Variants in FAM135A observed in about 807,000 individuals in gnomAD.
FAM135A encodes the protein protein FAM135A.
In FAM135A, 79 loss-of-function variants were observed where a neutral mutation model predicts 146.8. That is an observed-to-expected ratio of 0.54 (90% CI 0.45 to 0.65). The LOEUF is 0.65. FAM135A is among the 30% of genes least tolerant of loss of function. The pLI is 0.00. For synonymous variants in FAM135A, 562 were observed against 603.6 expected, an observed-to-expected ratio of 0.93 and a Z score of 1.01; for missense variants, 1,623 against 1,758.2, an observed-to-expected ratio of 0.92 and a Z score of 1.38.
In FAM135A at chr6:70,532,242, T is replaced by C. The variant is rs189355498; in HGVS notation, c.3776-918T>C. Among the ~76,000 whole-genome samples, 629 of 152,298 alleles carry C rather than the reference T, an allele frequency of 4.1e-3. 9 individuals carry two copies. Among genetic ancestry groups the C allele is most frequent in the African/African-American group, 0.015 (608 of 41,550 alleles). On this transcript the variant is annotated intron_variant, in intron 16 of 21. Transcript: ENST00000418814. The stretch of plus-strand genomic sequence containing the variant: ...TCTGTTCAAACATGTTATAACAAAT[T>C]AGTATGTGTTTATTTTGGTGTAAAA...
At chr6:70,477,803 A>C (rs966294300) in intron 8 of FAM135A, among the ~76,000 whole-genome samples, 1 of 152,192 alleles carries the variant, frequency 6.6e-6, no homozygotes, top group South Asian at 2.1e-4. Flanking sequence ...TTTGCTAAAG[A>C]TAACTGAAAT....
At chr6:70,486,968 GAA>G (rs1784788636) in intron 10 of FAM135A, among the ~76,000 whole-genome samples, 1 of 150,424 alleles carries the variant, frequency 6.6e-6, no homozygotes, top group Non-Finnish European at 1.5e-5. Context: ...CAGAAATAGA[GAA>G]GAGATGGGAG....
At chr6:70,473,223 G>C (rs914121756) in intron 5 of FAM135A, among the ~76,000 whole-genome samples, 3 of 151,960 alleles carry the variant, frequency 2.0e-5, no homozygotes, top group Non-Finnish European at 2.9e-5. Context: ...TTACTTTCTG[G>C]TATAAAAAAG....
At chr6:70,455,888 T>G (rs2128064396) in intron 5 of FAM135A, among the ~76,000 whole-genome samples, 1 of 152,266 alleles carries the variant, frequency 6.6e-6, no homozygotes, top group South Asian at 2.1e-4. Flanking sequence ...AGTCTTGCCC[T>G]ATCGCCAGGC....
intron 11 of FAM135A, among the ~76,000 whole-genome samples, chr6:70,494,879 GTATA>G (rs1582536657): frequency 6.6e-6 from 1 of 152,206 alleles, no homozygotes; most frequent in East Asian, 1.9e-4. Flanking sequence ...TTCTACTTTT[GTATA>G]GACTATGCTA....
chr6:70,429,000 A>G (rs1042164250), intron 4 of FAM135A, among the ~76,000 whole-genome samples: 4 of 152,180 alleles, frequency 2.6e-5, no homozygotes, highest in African/African-American at 9.6e-5. Flanking sequence ...GGCTAAGATC[A>G]ATAAGTATGT....
At chr6:70,479,449 G>T (rs568372054) in intron 8 of FAM135A, among the ~76,000 whole-genome samples, 1 of 152,294 alleles carries the variant, frequency 6.6e-6, no homozygotes, top group South Asian at 2.1e-4. Flanking sequence ...TGAGGTTGCT[G>T]TTCTTTATCT....
In FAM135A at chr6:70,502,721, A is replaced by G. The variant is rs1209771027; in HGVS notation, c.959A>G (p.Gln320Arg). ...TCACTTTTGATGGCTTTATGGGGAC[A>G]GTTTCTGGAAGTTATAACGCTACAC... ...LCSLLMALWG[Q>R]FLEVITLHEE... Residue 320 changes from glutamine to arginine, a missense_variant, in exon 12 of 22, where the codon CAG becomes CGG. Gln to Arg is a conservative substitution (Grantham distance 43). This residue lies in a region of FAM135A where 206 missense variants were observed against 194.7 expected (regional missense o/e 1.06). Transcript: ENST00000418814. 9 of 1,613,386 alleles carry G rather than the reference A, an allele frequency of 5.6e-6. No homozygotes were observed. The highest frequency in any genetic ancestry group is 7.6e-6 in the Non-Finnish European group (9 of 1,179,584).
intron 11 of FAM135A, among the ~76,000 whole-genome samples, chr6:70,501,369 G>A (rs543492560): frequency 6.6e-5 from 10 of 152,304 alleles, no homozygotes; most frequent in Non-Finnish European, 1.0e-4. Flanking sequence ...TTCCCCAGTC[G>A]GCTTCAGACT....
chr6:70,508,645 G>A (rs1318423855), intron 12 of FAM135A, among the ~76,000 whole-genome samples: 1 of 152,132 alleles, frequency 6.6e-6, no homozygotes, highest in African/African-American at 2.4e-5. Context: ...AGTAACAGTT[G>A]AGTTCACATT....
intron 20 of FAM135A, among the ~76,000 whole-genome samples, chr6:70,539,065 C>G (rs942536342): frequency 6.6e-6 from 1 of 151,862 alleles, no homozygotes; most frequent in African/African-American, 2.4e-5. Flanking sequence ...TATAAATAAC[C>G]TTACTTCTGA....
At chr6:70,469,179 C>G (rs867727280) in intron 5 of FAM135A, among the ~76,000 whole-genome samples, 3 of 152,132 alleles carry the variant, frequency 2.0e-5, no homozygotes, top group African/African-American at 7.2e-5. Flanking sequence ...AGATTTTTAT[C>G]TCTTTCATTT....
chr6:70,439,980 A>G (rs1325062880), intron 4 of FAM135A, among the ~76,000 whole-genome samples: 1 of 152,210 alleles, frequency 6.6e-6, no homozygotes, highest in Non-Finnish European at 1.5e-5. Flanking sequence ...ACTTAAATAA[A>G]TGTTTAAAAT....
chr6:70,413,768 C>T lies in FAM135A; in HGVS notation c.-220+66C>T, dbSNP rs1349412496. The stretch of plus-strand genomic sequence containing the variant: ...ACACCCACGACCCCTCCCTCCGTCC[C>T]TCTTGCCCAGGGGCCAGGAAGGAAG... On this transcript the variant is annotated intron_variant, in intron 1 of 21. Transcript: ENST00000418814. 1.9e-5 allele frequency: 19 copies of T among 980,962 alleles called. No individual in the cohort carries two copies. In the South Asian group the frequency reaches 2.4e-4, roughly 12 times the overall value. 60.8% of individuals were successfully genotyped at this position (980,962 alleles called of 1,614,324 possible).
chr6:70,414,310 C>A (rs542072865), intron 1 of FAM135A, among the ~76,000 whole-genome samples: 1 of 152,214 alleles, frequency 6.6e-6, no homozygotes, highest in South Asian at 2.1e-4. Context: ...TGTTAGTTGC[C>A]GATTGTGTTT....
At chr6:70,459,117 A>AT (rs1188806194) in intron 5 of FAM135A, among the ~76,000 whole-genome samples, 1 of 151,916 alleles carries the variant, frequency 6.6e-6, no homozygotes, top group Non-Finnish European at 1.5e-5. Context: ...TTAAAAATTC[A>AT]TTTTTTCTTT....
At chr6:70,532,670 C>T (rs749631184) in intron 16 of FAM135A, among the ~76,000 whole-genome samples, 2 of 152,176 alleles carry the variant, frequency 1.3e-5, no homozygotes, top group Non-Finnish European at 2.9e-5. Context: ...CGGTGGCTCA[C>T]GCCTATAATC....
chr6:70,429,498 G>A (rs1420944846), intron 4 of FAM135A, among the ~76,000 whole-genome samples: 1 of 151,592 alleles, frequency 6.6e-6, no homozygotes, highest in East Asian at 1.9e-4. Context: ...GGGCAACAGA[G>A]CAAGACTCCA....
At chr6:70,460,145 G>A (rs1266938960) in intron 5 of FAM135A, among the ~76,000 whole-genome samples, 2 of 152,114 alleles carry the variant, frequency 1.3e-5, no homozygotes, top group African/African-American at 4.8e-5. Flanking sequence ...ACCTCCATAG[G>A]GACATTGTCA....
Sources: allele counts gnomAD v4.1 joint callset (sites outside exome capture counted in the v4.1 genomes callset), GRCh38; gene constraint gnomAD v4.1.1; regional missense constraint gnomAD v4.1.1; transcripts MANE v1.5; gene names NCBI Gene and HGNC (gene_info 2026-07-23, HGNC 2026-07-21).